CCNY: variants seen among roughly 807,000 people sequenced by gnomAD.
The protein encoded by CCNY is cyclin-Y.
Under a neutral mutation model 42.8 loss-of-function variants are expected in CCNY, and 19 were observed. The observed-to-expected ratio is 0.44, with a 90% CI of 0.31 to 0.65. The LOEUF (loss-of-function observed/expected upper bound fraction) is 0.65, where lower values mean the gene tolerates loss of function less well. Among genes scored for constraint, CCNY ranks in the 30% least tolerant of loss-of-function variants. The pLI is 0.07. For synonymous variants in CCNY, 165 were observed against 162.7 expected, an observed-to-expected ratio of 1.01 and a Z score of -0.11; for missense variants, 370 against 437.3, an observed-to-expected ratio of 0.85 and a Z score of 1.37.
chr10:35,354,342 C>T (rs541252715), intron 1 of CCNY, among the ~76,000 whole-genome samples: 4 of 152,176 alleles, frequency 2.6e-5, no homozygotes, highest in East Asian at 1.9e-4. Flanking sequence ...CCCACCACCA[C>T]GCCTGGCTAA....
intron 3 of CCNY, among the ~76,000 whole-genome samples, chr10:35,257,556 A>G (rs556837050): frequency 8.1e-4 from 124 of 152,304 alleles, no homozygotes; most frequent in South Asian, 2.1e-4. Flanking sequence ...AGCACTTTGC[A>G]TACCTTGGCT....
intron 1 of CCNY, among the ~76,000 whole-genome samples, chr10:35,365,994 T>A (rs1836800553): frequency 1.3e-5 from 2 of 152,360 alleles, no homozygotes; most frequent in African/African-American, 4.8e-5. Context: ...TCATTTTCAT[T>A]GACCTGAAAA....
At chr10:35,562,985 G>A (rs924670405) in intron 8 of CCNY, among the ~76,000 whole-genome samples, 3 of 151,002 alleles carry the variant, frequency 2.0e-5, no homozygotes, top group African/African-American at 2.4e-5. Context: ...GGTTTTTGTT[G>A]GTCGACTTGA....
intron 1 of CCNY, among the ~76,000 whole-genome samples, chr10:35,476,078 G>A: frequency 6.6e-6 from 1 of 152,172 alleles, no homozygotes; most frequent in Non-Finnish European, 1.5e-5. Flanking sequence ...TCAACAAGAA[G>A]AGCTAACTGT....
chr10:35,352,377 A>T (rs1269068002), intron 1 of CCNY, among the ~76,000 whole-genome samples: 3 of 152,200 alleles, frequency 2.0e-5, no homozygotes, highest in Admixed American at 6.5e-5. Context: ...CACAGAGAAG[A>T]TGTTGGAGAG....
chr10:35,284,585 C>G (rs1221785336), intron 3 of CCNY, among the ~76,000 whole-genome samples: 1 of 152,048 alleles, frequency 6.6e-6, no homozygotes, highest in Admixed American at 6.6e-5. Context: ...CATTTTCGCT[C>G]TTCTTTTTTC....
chr10:35,279,217 G>C (rs1200570480), intron 3 of CCNY, among the ~76,000 whole-genome samples: 2 of 147,362 alleles, frequency 1.4e-5, no homozygotes, highest in African/African-American at 5.0e-5. Context: ...CCCAGTTCAA[G>C]TGATTCTTCT....
chr10:35,363,485 G>A (rs904545254), intron 1 of CCNY, among the ~76,000 whole-genome samples: 5 of 152,144 alleles, frequency 3.3e-5, no homozygotes, highest in South Asian at 2.1e-4. Context: ...TGGTAGAGGC[G>A]GGGATACCAG....
chr10:35,255,334 T>C (rs2095714737), intron 3 of CCNY, among the ~76,000 whole-genome samples: 1 of 151,506 alleles, frequency 6.6e-6, no homozygotes, highest in East Asian at 1.9e-4. Context: ...TCTTTTTTTT[T>C]TTTTGAGACA....
chr10:35,547,050 A>G (rs559549596), intron 7 of CCNY, among the ~76,000 whole-genome samples: 28 of 152,076 alleles, frequency 1.8e-4, no homozygotes, highest in Non-Finnish European at 3.5e-4. Flanking sequence ...GCACAGTGGT[A>G]TTGCACATTT....
chr10:35,366,460 T>A (rs531676587), intron 1 of CCNY, among the ~76,000 whole-genome samples: 25 of 152,368 alleles, frequency 1.6e-4, no homozygotes, highest in Non-Finnish European at 2.9e-4. Context: ...GGACTAAGTC[T>A]AATATTTGCA....
intron 1 of CCNY, among the ~76,000 whole-genome samples, chr10:35,452,727 G>T (rs973295697): frequency 7.0e-6 from 1 of 141,970 alleles, no homozygotes; most frequent in African/African-American, 2.6e-5. Flanking sequence ...CATTTTGGAT[G>T]TAAAATTTAC....
intron 3 of CCNY, among the ~76,000 whole-genome samples, chr10:35,273,166 T>C (rs1835194185): frequency 6.6e-6 from 1 of 152,054 alleles, no homozygotes; most frequent in African/African-American, 2.4e-5. Flanking sequence ...TCTTGTCTGC[T>C]CACATCCCAA....
chr10:35,285,971 C>A lies in CCNY; in HGVS notation c.-9+35345C>A, dbSNP rs115318753. Among the ~76,000 whole-genome samples the A allele has an allele frequency of 6.8e-3, 1,035 of 152,172 alleles. 11 individuals carry two copies. Among genetic ancestry groups the A allele is most frequent in the African/African-American group, 0.024 (989 of 41,546 alleles). Reference sequence around the variant, plus strand: ...GAGATTACAGGCACGTGGCACCATGCATGGCTAATTTTGTATTTTTAGTGG... The same window carrying A: ...GAGATTACAGGCACGTGGCACCATGAATGGCTAATTTTGTATTTTTAGTGG... On this transcript the variant is annotated intron_variant, in intron 3 of 11. Coordinates refer to the CCNY transcript ENST00000374706.
At chr10:35,528,067 T>C (rs1840688617) in intron 5 of CCNY, among the ~76,000 whole-genome samples, 1 of 152,232 alleles carries the variant, frequency 6.6e-6, no homozygotes, top group Non-Finnish European at 1.5e-5. Flanking sequence ...TGCTGGATGC[T>C]TTCAGGGGCT....
chr10:35,458,221 C>CA (rs1207619516), intron 1 of CCNY, among the ~76,000 whole-genome samples: 1 of 152,212 alleles, frequency 6.6e-6, no homozygotes, highest in African/African-American at 2.4e-5. Flanking sequence ...CATTGCACCT[C>CA]AGAGTTGCTG....
upstream of CCNY, chr10:35,335,872 C>T (rs1163946601): frequency 6.6e-6 from 1 of 150,916 alleles, no homozygotes; most frequent in African/African-American, 2.6e-5. Context: ...CACACACACA[C>T]ACACCCGTAG....
At chr10:35,449,786 C>T in intron 1 of CCNY, 2 of 985,282 alleles carry the variant, frequency 2.0e-6, no homozygotes, top group Non-Finnish European at 2.4e-6. Context: ...CTTCTCCTGG[C>T]CTCTGTCTTC....
At chr10:35,454,524 G>A (rs1441639120) in intron 1 of CCNY, among the ~76,000 whole-genome samples, 1 of 152,246 alleles carries the variant, frequency 6.6e-6, no homozygotes, top group East Asian at 1.9e-4. Context: ...GGGGTGGAAA[G>A]CAAGTTTTCC....
Sources: gnomAD v4.1 joint callset for allele counts (sites outside exome capture counted in the v4.1 genomes callset) on GRCh38, gnomAD v4.1.1 for gene constraint, MANE v1.5 for transcripts, NCBI Gene and HGNC (gene_info 2026-07-23, HGNC 2026-07-21) for gene names.